Variants in KCNIP4 observed in about 807,000 individuals in gnomAD.
KCNIP4 encodes Kv channel-interacting protein 4.
Under a neutral mutation model 34.0 loss-of-function variants are expected in KCNIP4, and 12 were observed. That is an observed-to-expected ratio of 0.35 (90% CI 0.23 to 0.57). KCNIP4 has a LOEUF of 0.57. Among genes scored for constraint, KCNIP4 ranks in the 20% least tolerant of loss-of-function variants. The pLI, the probability that KCNIP4 is intolerant of heterozygous loss-of-function variation, is 0.83. For missense variants in KCNIP4, 238 were observed against 311.7 expected (o/e 0.76, Z 1.78); for synonymous variants, 124 against 102.2 (o/e 1.21, Z -1.29).
chr4:21,068,064 A>T (rs936748942), intron 1 of KCNIP4, among the ~76,000 whole-genome samples: 2 of 152,120 alleles, frequency 1.3e-5, no homozygotes, highest in Non-Finnish European at 2.9e-5. Flanking sequence ...GTATGTTCTC[A>T]TCTTTCCCCT....
intron 1 of KCNIP4, among the ~76,000 whole-genome samples, chr4:20,904,984 C>G (rs1311375680): frequency 6.6e-6 from 1 of 152,134 alleles, no homozygotes; most frequent in Non-Finnish European, 1.5e-5. Flanking sequence ...TTAAGAGAGA[C>G]AGTTTTTTCA....
chr4:21,031,643 T>G (rs1465169474), intron 1 of KCNIP4, among the ~76,000 whole-genome samples: 4 of 152,206 alleles, frequency 2.6e-5, no homozygotes, highest in Admixed American at 2.6e-4. Flanking sequence ...AATATCCCCT[T>G]GGCTTGGCTG....
At position 21,028,085 on chromosome 4, in the gene KCNIP4, C is replaced by T. The variant is rs983017117; in HGVS notation, c.62-145376G>A. On this transcript the variant is annotated intron_variant, in intron 1 of 8. Coordinates refer to ENST00000382152, the MANE Select transcript of KCNIP4 (RefSeq NM_025221.6). ...TGAAAGTGCCATCCTTTCAGTCATT[C>T]AGGCCAATACCACTGGGACCCTCCA... Among the ~76,000 whole-genome samples the T allele has an allele frequency of 1.9e-4, 29 of 152,134 alleles. 1 individual carries two copies. Among genetic ancestry groups the T allele is most frequent in the Non-Finnish European group, 1.0e-4 (7 of 68,032 alleles).
At chr4:21,282,948 T>G (rs1009202410) in intron 1 of KCNIP4, among the ~76,000 whole-genome samples, 6 of 152,202 alleles carry the variant, frequency 3.9e-5, no homozygotes, top group African/African-American at 1.4e-4. Context: ...CTCCGTCAAC[T>G]GCTGAATGGT....
intron 1 of KCNIP4, among the ~76,000 whole-genome samples, chr4:21,559,184 A>G (rs1236502875): frequency 1.3e-5 from 2 of 152,276 alleles, no homozygotes; most frequent in South Asian, 4.1e-4. Context: ...ACCAGGCCCT[A>G]GACCAGTAAG....
chr4:21,686,793 T>C (rs1222305361), intron 1 of KCNIP4, among the ~76,000 whole-genome samples: 1 of 152,150 alleles, frequency 6.6e-6, no homozygotes, highest in Non-Finnish European at 1.5e-5. Context: ...TTAGGTCAAA[T>C]GGTATTTCTA....
chr4:21,677,819 G>T (rs1476173081), intron 1 of KCNIP4, among the ~76,000 whole-genome samples: 1 of 152,152 alleles, frequency 6.6e-6, no homozygotes, highest in Non-Finnish European at 1.5e-5. Context: ...GCACGATGTT[G>T]GCTCACTGCA....
chr4:21,456,661 G>A lies in KCNIP4; in HGVS notation c.61+491910C>T, dbSNP rs1025558174. Among the ~76,000 whole-genome samples, 19 of 133,922 alleles carry A rather than the reference G, an allele frequency of 1.4e-4. 1 individual carries two copies. The highest frequency in any genetic ancestry group is 1.7e-4 in the Non-Finnish European group (11 of 64,472). The allele number at this position is 133,922 out of a possible 152,430, so 87.9% of individuals were successfully genotyped here. A position where few individuals can be genotyped will look rare whatever the true frequency, so the allele number is the denominator to read the frequency against. ...TTGAATCAACATCTAAGAAAAATTG[G>A]TTTGCCCAGTAAGTCGCGTATTTGT... On this transcript the variant is annotated intron_variant, in intron 1 of 8. Coordinates refer to ENST00000382152, the MANE Select transcript of KCNIP4 (RefSeq NM_025221.6).
At chr4:21,486,907 T>C (rs890747421) in intron 1 of KCNIP4, among the ~76,000 whole-genome samples, 5 of 151,882 alleles carry the variant, frequency 3.3e-5, no homozygotes, top group African/African-American at 7.3e-5. Context: ...TGGGCTCAAG[T>C]GATCCTCGGT....
At chr4:20,740,144 A>G (rs915397160) in intron 5 of KCNIP4, among the ~76,000 whole-genome samples, 2 of 152,192 alleles carry the variant, frequency 1.3e-5, no homozygotes, top group African/African-American at 4.8e-5. Context: ...GAATTGAACC[A>G]AGTTGGAAAA....
At chr4:21,108,263 C>A (rs1353237650) in intron 1 of KCNIP4, among the ~76,000 whole-genome samples, 1 of 142,248 alleles carries the variant, frequency 7.0e-6, no homozygotes, top group Non-Finnish European at 1.5e-5. Context: ...TTGGTCTTTT[C>A]ACGTAGTCCC....
chr4:21,937,242 G>T (rs989537210), intron 1 of KCNIP4, among the ~76,000 whole-genome samples: 2 of 151,978 alleles, frequency 1.3e-5, no homozygotes, highest in African/African-American at 4.8e-5. Flanking sequence ...TTCTAAAAAT[G>T]AACACATTAT....
chr4:21,386,915 T>C (rs915477841), intron 1 of KCNIP4, among the ~76,000 whole-genome samples: 5 of 152,196 alleles, frequency 3.3e-5, no homozygotes, highest in Middle Eastern at 3.2e-3. Context: ...CAGAAAGCTC[T>C]ACACATACTA....
chr4:21,644,737 G>A (rs1439913680), intron 1 of KCNIP4, among the ~76,000 whole-genome samples: 4 of 151,956 alleles, frequency 2.6e-5, no homozygotes, highest in Admixed American at 6.6e-5. Context: ...GTTTTGTTTT[G>A]GTTTTGTTTC....
chr4:20,897,199 C>T (rs1726638323), intron 1 of KCNIP4, among the ~76,000 whole-genome samples: 1 of 152,020 alleles, frequency 6.6e-6, no homozygotes. Context: ...AGCCAAATTC[C>T]CTAATTAGCA....
In KCNIP4 at chr4:21,101,313, T is replaced by C. The variant is rs566817790; in HGVS notation, c.62-218604A>G. The stretch of plus-strand genomic sequence containing the variant: ...TCCATTCTTTTTTATGCATGAGTAG[T>C]ATTTCATGTTGCATATAAATTTTAT... On this transcript the variant is annotated intron_variant, in intron 1 of 8. Transcript: ENST00000382152. Among the ~76,000 whole-genome samples the C allele has an allele frequency of 9.2e-5, 14 of 152,292 alleles. 1 individual carries two copies. In the South Asian group the frequency reaches 2.9e-3, roughly 32 times the overall value.
chr4:21,802,882 T>A (rs1721083516), intron 1 of KCNIP4, among the ~76,000 whole-genome samples: 1 of 152,216 alleles, frequency 6.6e-6, no homozygotes, highest in South Asian at 2.1e-4. Flanking sequence ...CCTATTCAAC[T>A]GATAGAGTCA....
At chr4:21,199,913 C>A (rs1160223854) in intron 1 of KCNIP4, among the ~76,000 whole-genome samples, 6 of 152,024 alleles carry the variant, frequency 3.9e-5, no homozygotes, top group African/African-American at 7.3e-5. Flanking sequence ...AAGCTGGAAA[C>A]CATCATTCTC....
chr4:21,149,775 A>G (rs1317374440), intron 1 of KCNIP4, among the ~76,000 whole-genome samples: 1 of 152,184 alleles, frequency 6.6e-6, no homozygotes, highest in African/African-American at 2.4e-5. Flanking sequence ...GTTGCTCTGC[A>G]TTGGAAATGA....
Sources: gnomAD v4.1 joint callset for allele counts (sites outside exome capture counted in the v4.1 genomes callset) on GRCh38, gnomAD v4.1.1 for gene constraint, MANE v1.5 for transcripts, NCBI Gene and HGNC (gene_info 2026-07-23, HGNC 2026-07-21) for gene names.